Variants in C3orf49 observed in about 807,000 individuals in gnomAD.
The protein encoded by C3orf49 is putative uncharacterized protein C3orf49.
Under a neutral mutation model 13.3 loss-of-function variants are expected in C3orf49, and 27 were observed. That is an observed-to-expected ratio of 2.02 (90% CI 1.49 to 2.79). The LOEUF (loss-of-function observed/expected upper bound fraction) is 2.79, where lower values mean the gene tolerates loss of function less well. Ranked by LOEUF, C3orf49 falls within the 30% of genes most tolerant of loss-of-function variation. C3orf49 has a pLI of 0.00. For missense variants in C3orf49, 242 were observed against 134.2 expected (o/e 1.80, Z -3.97); for synonymous variants, 87 against 47.6 (o/e 1.83, Z -3.40).
chr3:63,791,405 C>T, the C3orf49 span, among the ~76,000 whole-genome samples: 2 of 152,140 alleles, frequency 1.3e-5, no homozygotes, highest in Non-Finnish European at 2.9e-5. Context: ...CATTTCATCT[C>T]TGAATTGATT....
At chr3:63,801,050 C>G in the C3orf49 span, among the ~76,000 whole-genome samples, 1 of 152,148 alleles carries the variant, frequency 6.6e-6, no homozygotes, top group African/African-American at 2.4e-5. Context: ...ATAATTTCAC[C>G]TTGTATCTGC....
chr3:63,782,849 C>A, the C3orf49 span: 1 of 152,290 alleles, frequency 6.6e-6, no homozygotes, highest in Non-Finnish European at 1.5e-5. Context: ...TTCTTACCTT[C>A]CAAACACTGA....
At chr3:63,833,435 C>T (rs578182641) in intron 5 of C3orf49, among the ~76,000 whole-genome samples, 2 of 152,310 alleles carry the variant, frequency 1.3e-5, no homozygotes, top group East Asian at 1.9e-4. Flanking sequence ...TTACTTCAAA[C>T]ACTCTTCACT....
intron 4 of C3orf49, 128 bp downstream of exon 4, chr3:63,831,351 T>C: frequency 1.6e-6 from 1 of 615,342 alleles, no homozygotes; most frequent in Non-Finnish European, 2.9e-6. Context: ...AGAAATAATG[T>C]TAGCAGGGGG....
chr3:63,797,376 C>T, the C3orf49 span, among the ~76,000 whole-genome samples: 43 of 152,186 alleles, frequency 2.8e-4, no homozygotes, highest in African/African-American at 1.0e-3. Context: ...GGCCTTTGTC[C>T]TGCAGAAAAC....
At chr3:63,792,659 C>A in the C3orf49 span, among the ~76,000 whole-genome samples, 1 of 152,192 alleles carries the variant, frequency 6.6e-6, no homozygotes, top group Admixed American at 6.5e-5. Flanking sequence ...ACAAGGCCCA[C>A]TGCCTGTTTA....
At chr3:63,841,403 T>C (rs1701757844) in intron 5 of C3orf49, among the ~76,000 whole-genome samples, 1 of 152,338 alleles carries the variant, frequency 6.6e-6, no homozygotes, top group African/African-American at 2.4e-5. Context: ...TACGCAGTAA[T>C]TATTTTTTAA....
chr3:63,820,967 T>C (rs899670075), intron 1 of C3orf49, among the ~76,000 whole-genome samples: 1 of 152,212 alleles, frequency 6.6e-6, no homozygotes, highest in Non-Finnish European at 1.5e-5. Context: ...TTTAAGTTAA[T>C]GGATTTTCCC....
chr3:63,813,537 C>T, the C3orf49 span, among the ~76,000 whole-genome samples: 1 of 152,026 alleles, frequency 6.6e-6, no homozygotes, highest in Non-Finnish European at 1.5e-5. Flanking sequence ...CCTGGGGCAG[C>T]AATCAACACA....
At chr3:63,844,978 G>C in intron 5 of C3orf49, 45 bp from the exon 6 acceptor site, 1 of 665,620 alleles carries the variant, frequency 1.5e-6, no homozygotes, top group Non-Finnish European at 2.7e-6. Flanking sequence ...CATAAATAAA[G>C]ACAATTGAGA....
intron 5 of C3orf49, chr3:63,839,907 A>G (rs1701723018): frequency 1.5e-6 from 1 of 667,058 alleles, no homozygotes; most frequent in Non-Finnish European, 2.5e-6. Flanking sequence ...ACTGAACTGT[A>G]CACTTAAAAA....
chr3:63,834,297 C>A (rs1273383921), intron 5 of C3orf49: 1 of 1,165,938 alleles, frequency 8.6e-7, no homozygotes, highest in Non-Finnish European at 1.2e-6. Context: ...TTAGCCAATA[C>A]AATTAAAGCT....
the C3orf49 span, among the ~76,000 whole-genome samples, chr3:63,799,578 A>C: frequency 6.6e-6 from 1 of 152,216 alleles, no homozygotes; most frequent in Non-Finnish European, 1.5e-5. Context: ...TAACCGTTCC[A>C]TATGGCATAA....
chr3:63,846,411 ATT>A (rs1559606088), intron 6 of C3orf49, among the ~76,000 whole-genome samples: 9 of 152,020 alleles, frequency 5.9e-5, no homozygotes, highest in African/African-American at 2.2e-4. Context: ...TTATTTAAAA[ATT>A]TTTATTTTTT....
chr3:63,791,629 G>A, the C3orf49 span, among the ~76,000 whole-genome samples: 5 of 152,130 alleles, frequency 3.3e-5, no homozygotes, highest in Non-Finnish European at 7.4e-5. Context: ...GGGGGCCCTG[G>A]CATTTGTGTT....
chr3:63,781,800 A>G, the C3orf49 span, among the ~76,000 whole-genome samples: 1 of 152,168 alleles, frequency 6.6e-6, no homozygotes, highest in Non-Finnish European at 1.5e-5. Flanking sequence ...TTTATTGATC[A>G]CTTACCTACA....
chr3:63,844,776 C>T (rs1036011565), intron 5 of C3orf49, among the ~76,000 whole-genome samples: 12 of 152,044 alleles, frequency 7.9e-5, no homozygotes, highest in Non-Finnish European at 1.6e-4. Context: ...CAGATTTGGC[C>T]CTTTGATCTT....
chr3:63,797,992 A>G, the C3orf49 span, among the ~76,000 whole-genome samples: 1 of 152,162 alleles, frequency 6.6e-6, no homozygotes, highest in Non-Finnish European at 1.5e-5. Flanking sequence ...ATCATATTAG[A>G]TCAATCTTAC....
chr3:63,837,900 T>G (rs1413616611), intron 5 of C3orf49: 45 of 1,350,476 alleles, frequency 3.3e-5, no homozygotes, highest in Non-Finnish European at 4.0e-5. Flanking sequence ...AGATTTTACC[T>G]CACAACATTA....
Sources: gnomAD v4.1 joint callset for allele counts (sites outside exome capture counted in the v4.1 genomes callset) on GRCh38, gnomAD v4.1.1 for gene constraint, MANE v1.5 for transcripts, NCBI Gene and HGNC (gene_info 2026-07-23, HGNC 2026-07-21) for gene names.